The following IL17D variants were observed in gnomAD, a reference collection of about 807,000 sequenced individuals.
The protein encoded by IL17D is interleukin-17D.
In IL17D, 10 loss-of-function variants were observed where a neutral mutation model predicts 5.7. The observed-to-expected ratio is 1.75, with a 90% CI of 1.08 to 2.97. The LOEUF (loss-of-function observed/expected upper bound fraction) is 2.97. Ranked by LOEUF, IL17D falls within the 30% of genes most tolerant of loss-of-function variation. The probability of loss-of-function intolerance (pLI) is 0.00; values close to 1 mark genes in which losing one functional copy is unlikely to be tolerated. For missense variants in IL17D, 354 were observed against 292.7 expected (o/e 1.21, Z -1.53); for synonymous variants, 172 against 141.7 (o/e 1.21, Z -1.52).
chr13:20,704,310 C>A lies in IL17D; in HGVS notation c.290+19C>A. On this transcript the variant is annotated intron_variant, in intron 1 of 1. Transcript: ENST00000682841. The stretch of plus-strand genomic sequence containing the variant: ...CCTACAGGTGAGCCGCGGGCGCGTC[C>A]TGGCGGGGCCCGGCAGGTGGGGAGG... 1 of 940,664 alleles carries A rather than the reference C, an allele frequency of 1.1e-6. No homozygotes were observed. Among genetic ancestry groups the A allele is most frequent in the Non-Finnish European group, 1.3e-6 (1 of 784,380 alleles). 58.3% of individuals were successfully genotyped at this position (940,664 alleles called of 1,614,324 possible). A position where few individuals can be genotyped will look rare whatever the true frequency, so the allele number is the denominator to read the frequency against.
At chr13:20,705,080 G>A (rs1157420436) in intron 1 of IL17D, among the ~76,000 whole-genome samples, 1 of 152,076 alleles carries the variant, frequency 6.6e-6, no homozygotes, top group Non-Finnish European at 1.5e-5. Context: ...GCAGGGTGCC[G>A]CAGTGTCCTC....
intron 1 of IL17D, among the ~76,000 whole-genome samples, chr13:20,706,629 G>A (rs906050651): frequency 1.3e-5 from 2 of 152,248 alleles, no homozygotes; most frequent in Non-Finnish European, 2.9e-5. Context: ...CTGCCTGAAA[G>A]GCGTACAGGT....
intron 1 of IL17D, among the ~76,000 whole-genome samples, chr13:20,707,818 C>G (rs917540562): frequency 3.3e-5 from 5 of 152,216 alleles, no homozygotes; most frequent in Middle Eastern, 3.2e-3. Flanking sequence ...AGCCATGGTG[C>G]CAGGCCAGGG....
At chr13:20,709,477 T>C (rs1016739341) in intron 1 of IL17D, among the ~76,000 whole-genome samples, 1 of 152,148 alleles carries the variant, frequency 6.6e-6, no homozygotes, top group Non-Finnish European at 1.5e-5. Flanking sequence ...CATAAGTGGA[T>C]CAATCACTCA....
At chr13:20,717,979 G>A (rs1480563123) in intron 1 of IL17D, among the ~76,000 whole-genome samples, 1 of 152,120 alleles carries the variant, frequency 6.6e-6, no homozygotes, top group Non-Finnish European at 1.5e-5. Context: ...TGAAATATGA[G>A]CAGTTACCTA....
intron 1 of IL17D, among the ~76,000 whole-genome samples, chr13:20,704,512 G>C (rs2058575357): frequency 7.1e-6 from 1 of 141,560 alleles, no homozygotes; most frequent in African/African-American, 2.7e-5. Flanking sequence ...GGGTACGGTA[G>C]GGTGGGGTGG....
chr13:20,720,054 C>A (rs1224029996), intron 1 of IL17D, among the ~76,000 whole-genome samples: 2 of 152,156 alleles, frequency 1.3e-5, no homozygotes, highest in South Asian at 2.1e-4. Flanking sequence ...AGTGTCATTT[C>A]TCTCTATTTC....
Position 20,704,189 on chromosome 13 carries a change from G to A in IL17D, c.188G>A (p.Arg63His), listed in dbSNP as rs1164579923. 3.6e-6 allele frequency: 5 copies of A among 1,371,474 alleles called. No homozygotes were observed. The highest frequency in any genetic ancestry group is 3.8e-6 in the Non-Finnish European group (4 of 1,056,354). 85.0% of individuals were successfully genotyped at this position (1,371,474 alleles called of 1,614,324 possible). Residue 63 changes from arginine (R) to histidine (H), a missense_variant, in exon 1 of 2, where the codon CGT (arginine) becomes CAT (histidine). Physicochemically the swap from Arg to His is conservative, Grantham distance 29. Coordinates refer to ENST00000682841, the MANE Select transcript of IL17D (RefSeq NM_001385224.1). ...AFHHTLQLGPREQARNASCPA... is the reference protein window; with the variant it reads ...AFHHTLQLGPHEQARNASCPA... ...CACCACACGCTGCAGCTGGGGCCGC[G>A]TGAGCAGGCGCGCAACGCGAGCTGC...
intron 1 of IL17D, among the ~76,000 whole-genome samples, chr13:20,709,851 C>T (rs144016777): frequency 1.5e-4 from 23 of 152,242 alleles, no homozygotes; most frequent in South Asian, 4.2e-4. Context: ...TGGGACATAC[C>T]AAGGGCATTG....
At chr13:20,713,008 TTTC>T (rs1028759998) in intron 1 of IL17D, 2 of 146,788 alleles carry the variant, frequency 1.4e-5, no homozygotes, top group African/African-American at 5.0e-5. Context: ...TCCCTCCCTC[TTTC>T]TTTTTTATAA....
chr13:20,707,162 G>A lies in IL17D; in HGVS notation c.290+2871G>A, dbSNP rs140685303. On this transcript the variant is annotated intron_variant, in intron 1 of 1. Transcript: ENST00000682841. ...TCACCATCTTTTGGGTTATTGGGAA[G>A]ATTAGAAAAAGTGAGACCCAGCCAG... Among the ~76,000 whole-genome samples, 25 of 152,184 alleles carry A rather than the reference G, an allele frequency of 1.6e-4. No individual in the cohort carries two copies. In the East Asian group the frequency reaches 3.7e-3, roughly 22 times the overall value.
At chr13:20,715,242 C>G (rs539364154) in intron 1 of IL17D, among the ~76,000 whole-genome samples, 2 of 142,198 alleles carry the variant, frequency 1.4e-5, no homozygotes. Flanking sequence ...CACTCTAGAG[C>G]AATTGAATCA....
At chr13:20,714,792 A>G (rs535329683) in intron 1 of IL17D, among the ~76,000 whole-genome samples, 41 of 152,330 alleles carry the variant, frequency 2.7e-4, no homozygotes, top group African/African-American at 7.9e-4. Flanking sequence ...TGTGGGGGCC[A>G]GAAAAGCATT....
At position 20,704,082 on chromosome 13, in the gene IL17D, G is replaced by A; in HGVS notation, c.81G>A (p.Arg27=). ...CGAGGGCGGGCAGGCGCCCCGCGCGGCCGCGGGGCTGCGCGGACCGGCCGG... is the reference window on the plus strand; with the variant it reads ...CGAGGGCGGGCAGGCGCCCCGCGCGACCGCGGGGCTGCGCGGACCGGCCGG... ...GAPRAGRRPA[R]PRGCADRPEE... is the part of the protein sequence containing the mutation. The change falls in exon 1 of 2, where the codon CGG becomes CGA. Residue 27 remains arginine, a synonymous_variant. Coordinates refer to ENST00000682841, the MANE Select transcript of IL17D (RefSeq NM_001385224.1). 3 of 1,144,702 alleles carry A rather than the reference G, an allele frequency of 2.6e-6. No individual in the cohort carries two copies. The highest frequency in any genetic ancestry group is 3.2e-6 in the Non-Finnish European group (3 of 934,772). 70.9% of individuals were successfully genotyped at this position (1,144,702 alleles called of 1,614,324 possible).
chr13:20,702,101 T>C (rs1594993344), upstream of IL17D: 3 of 152,322 alleles, frequency 2.0e-5, no homozygotes, highest in East Asian at 5.8e-4. Flanking sequence ...CCACGCTTCC[T>C]TTTTTCCAAT....
At chr13:20,709,806 A>G (rs897391495) in intron 1 of IL17D, among the ~76,000 whole-genome samples, 1 of 152,226 alleles carries the variant, frequency 6.6e-6, no homozygotes, top group African/African-American at 2.4e-5. Context: ...AAAAGCAGAT[A>G]CTGAGGAAAT....
At chr13:20,702,232 G>C (rs1164384138), upstream of IL17D, 1 of 152,142 alleles carries the variant, frequency 6.6e-6, no homozygotes, top group East Asian at 1.9e-4. Flanking sequence ...TATTTGCCAA[G>C]AGCTGTAAAT....
chr13:20,720,285 T>C (rs986273747), intron 1 of IL17D, among the ~76,000 whole-genome samples: 1 of 152,180 alleles, frequency 6.6e-6, no homozygotes, highest in African/African-American at 2.4e-5. Flanking sequence ...CTTAAAACTC[T>C]GCCTTCAGCC....
upstream of IL17D, chr13:20,703,304 A>T (rs760056849): frequency 7.1e-6 from 7 of 986,396 alleles, no homozygotes; most frequent in African/African-American, 1.7e-5. Context: ...TCGGGGGAGA[A>T]GATGTTGGGG....
Sources: allele counts gnomAD v4.1 joint callset (sites outside exome capture counted in the v4.1 genomes callset), GRCh38; gene constraint gnomAD v4.1.1; transcripts MANE v1.5; gene names NCBI Gene and HGNC (gene_info 2026-07-23, HGNC 2026-07-21).